MCTP1: variants seen among roughly 807,000 people sequenced by gnomAD.
MCTP1 encodes multiple C2 and transmembrane domain containing 1.
MCTP1 carries 69 observed loss-of-function variants against 120.6 expected under a neutral mutation model. The observed-to-expected ratio is 0.57, with a 90% CI of 0.47 to 0.70. The LOEUF (loss-of-function observed/expected upper bound fraction) is 0.70. Among genes scored for constraint, MCTP1 ranks in the 30% least tolerant of loss-of-function variants. MCTP1 has a pLI of 0.00. For missense variants in MCTP1, 1,203 were observed against 1,248.8 expected (o/e 0.96, Z 0.55); for synonymous variants, 529 against 493.1 (o/e 1.07, Z -0.96).
chr5:95,183,508 G>A (rs1019178249), intron 1 of MCTP1, among the ~76,000 whole-genome samples: 6 of 151,960 alleles, frequency 3.9e-5, no homozygotes, highest in Non-Finnish European at 8.8e-5. Flanking sequence ...ACTTTTCAAA[G>A]GATATCAAGA....
At chr5:95,138,233 A>ACT (rs558143445) in intron 1 of MCTP1, among the ~76,000 whole-genome samples, 1 of 142,426 alleles carries the variant, frequency 7.0e-6, no homozygotes, top group African/African-American at 2.6e-5. Context: ...GTGAGATGCA[A>ACT]CCCCCCCCCG....
intron 12 of MCTP1, among the ~76,000 whole-genome samples, chr5:94,875,038 T>C (rs1290852834): frequency 6.6e-6 from 1 of 152,098 alleles, no homozygotes; most frequent in East Asian, 1.9e-4. Flanking sequence ...GAAACAGCAG[T>C]GAATTAAACA....
At chr5:94,781,602 T>C (rs1211409144) in intron 18 of MCTP1, among the ~76,000 whole-genome samples, 1 of 152,154 alleles carries the variant, frequency 6.6e-6, no homozygotes, top group Non-Finnish European at 1.5e-5. Flanking sequence ...TTGGAGAATC[T>C]CCACTATCTT....
chr5:95,247,756 C>G (rs1231976078), intron 1 of MCTP1, among the ~76,000 whole-genome samples: 2 of 152,126 alleles, frequency 1.3e-5, no homozygotes, highest in African/African-American at 4.8e-5. Context: ...GTGTGAGAGA[C>G]AGTTTGTTGT....
At chr5:94,743,371 A>G (rs949534300) in intron 19 of MCTP1, among the ~76,000 whole-genome samples, 1 of 151,780 alleles carries the variant, frequency 6.6e-6, no homozygotes, top group Non-Finnish European at 1.5e-5. Context: ...TGCTAGAGAG[A>G]GGAAAAACAC....
At chr5:95,114,689 T>C (rs1757692715) in intron 1 of MCTP1, among the ~76,000 whole-genome samples, 1 of 152,228 alleles carries the variant, frequency 6.6e-6, no homozygotes, top group Non-Finnish European at 1.5e-5. Context: ...CTGTAGTCCC[T>C]GGCTCCTGGA....
At chr5:94,800,150 A>T (rs1047962592) in intron 17 of MCTP1, among the ~76,000 whole-genome samples, 1 of 152,230 alleles carries the variant, frequency 6.6e-6, no homozygotes, top group Non-Finnish European at 1.5e-5. Context: ...TGAGAATTAA[A>T]CACAATGCTT....
intron 1 of MCTP1, among the ~76,000 whole-genome samples, chr5:95,037,840 T>C (rs1841623078): frequency 1.3e-5 from 2 of 152,132 alleles, no homozygotes; most frequent in Admixed American, 1.3e-4. Flanking sequence ...ATTGCACTTT[T>C]GGGCAACAAG....
At chr5:94,782,932 A>C (rs987641424) in intron 18 of MCTP1, among the ~76,000 whole-genome samples, 3 of 152,084 alleles carry the variant, frequency 2.0e-5, no homozygotes, top group Non-Finnish European at 2.9e-5. Context: ...TCGGCTCTAG[A>C]ATTCTCTTTC....
intron 1 of MCTP1, among the ~76,000 whole-genome samples, chr5:95,075,144 C>T (rs562407368): frequency 5.8e-4 from 88 of 152,326 alleles, no homozygotes; most frequent in Non-Finnish European, 1.1e-3. Context: ...CATTTTACAG[C>T]TGGTACAACA....
At chr5:95,224,608 A>G (rs936054971) in intron 1 of MCTP1, among the ~76,000 whole-genome samples, 23 of 152,016 alleles carry the variant, frequency 1.5e-4, no homozygotes, top group Non-Finnish European at 5.9e-5. Flanking sequence ...GCAGGGCTCA[A>G]ATGATCCTCC....
intron 11 of MCTP1, 145 bp from the exon 12 acceptor site, chr5:94,889,117 C>A: frequency 1.8e-6 from 1 of 553,138 alleles, no homozygotes. Flanking sequence ...TTTTTTTTTA[C>A]TGTTTTCCTC....
At chr5:95,184,489 C>A (rs537434469) in intron 1 of MCTP1, among the ~76,000 whole-genome samples, 1 of 152,130 alleles carries the variant, frequency 6.6e-6, no homozygotes, top group Non-Finnish European at 1.5e-5. Flanking sequence ...TTGCTTCTAA[C>A]CTTTAAGCTG....
intron 17 of MCTP1, among the ~76,000 whole-genome samples, chr5:94,801,046 T>C (rs1476822903): frequency 6.6e-6 from 1 of 152,106 alleles, no homozygotes; most frequent in African/African-American, 2.4e-5. Flanking sequence ...ATTATTTTTT[T>C]AGGAAGTGAA....
At chr5:95,098,106 T>C (rs1441341419) in intron 1 of MCTP1, among the ~76,000 whole-genome samples, 1 of 152,170 alleles carries the variant, frequency 6.6e-6, no homozygotes, top group Non-Finnish European at 1.5e-5. Context: ...CAACGGTAAG[T>C]TTAGTTTTAA....
chr5:94,804,718 G>A (rs1259599460), intron 17 of MCTP1, among the ~76,000 whole-genome samples: 3 of 152,144 alleles, frequency 2.0e-5, no homozygotes, highest in East Asian at 1.9e-4. Context: ...GATTACAGGC[G>A]TGAGCCACCA....
In MCTP1 at chr5:94,931,929, G is replaced by A. The variant is rs372001729; in HGVS notation, c.1212+24C>T. The A allele has an allele frequency of 2.6e-5, 41 of 1,582,092 alleles. No homozygotes were observed. The African/African-American group carries it at 5.3e-4, about 20-fold the overall frequency. The stretch of plus-strand genomic sequence containing the variant: ...ATAGTTCTGCTCAACAAGAAAAGCT[G>A]AAAGATCACAAGCTAAGAATTACCT... On this transcript the variant is annotated intron_variant, in intron 6 of 22. Transcript: ENST00000515393.
chr5:94,855,927 T>A (rs778584814), intron 17 of MCTP1, among the ~76,000 whole-genome samples: 19 of 151,600 alleles, frequency 1.3e-4, no homozygotes, highest in Non-Finnish European at 2.8e-4. Context: ...CCGGAAAAAA[T>A]TCACACACCT....
At chr5:94,744,729 T>C (rs2152768455) in intron 19 of MCTP1, among the ~76,000 whole-genome samples, 1 of 152,278 alleles carries the variant, frequency 6.6e-6, no homozygotes, top group Middle Eastern at 3.4e-3. Context: ...CAGGCTGATC[T>C]CGAACTCCCA....
Sources: gnomAD v4.1 joint callset for allele counts (sites outside exome capture counted in the v4.1 genomes callset) on GRCh38, gnomAD v4.1.1 for gene constraint, MANE v1.5 for transcripts, NCBI Gene and HGNC (gene_info 2026-07-23, HGNC 2026-07-21) for gene names.